LRRC58: variants seen among roughly 807,000 people sequenced by gnomAD.
LRRC58 encodes the protein leucine rich repeat containing 58.
Under a neutral mutation model 30.6 loss-of-function variants are expected in LRRC58, and 18 were observed. The ratio of observed to expected loss-of-function variants is 0.59; its 90% confidence interval spans 0.41 to 0.87. The LOEUF (loss-of-function observed/expected upper bound fraction) is 0.87. Among genes scored for constraint, LRRC58 ranks in the 40% least tolerant of loss-of-function variants. LRRC58 has a pLI of 0.00. For missense variants in LRRC58, 420 were observed against 468.4 expected (o/e 0.90, Z 0.95); for synonymous variants, 221 against 206.0 (o/e 1.07, Z -0.62).
intron 1 of LRRC58, among the ~76,000 whole-genome samples, chr3:120,346,341 G>A (rs1935968708): frequency 6.6e-6 from 1 of 152,116 alleles, no homozygotes; most frequent in South Asian, 2.1e-4. Context: ...TCAGGTTCTA[G>A]TACTCTGCCA....
chr3:120,344,592 C>G (rs2107627235), intron 1 of LRRC58, among the ~76,000 whole-genome samples: 1 of 152,272 alleles, frequency 6.6e-6, no homozygotes, highest in South Asian at 2.1e-4. Context: ...TCTTTCAAAA[C>G]CACATCAAAC....
chr3:120,338,611 A>G (rs1317299473), intron 1 of LRRC58, among the ~76,000 whole-genome samples: 1 of 152,260 alleles, frequency 6.6e-6, no homozygotes, highest in African/African-American at 2.4e-5. Context: ...ACAGAGATCT[A>G]AATGACTGAG....
chr3:120,335,243 G>A (rs1202545174), intron 2 of LRRC58, 104 bp from the exon 3 acceptor site: 3 of 974,008 alleles, frequency 3.1e-6, no homozygotes, highest in Non-Finnish European at 4.5e-6. Context: ...TTAAGAATGA[G>A]CAATTAAGAT....
At position 120,327,234 on chromosome 3, in the gene LRRC58, CTTCTAAAGAT is replaced by C. The variant is rs1935689058; in HGVS notation, c.*3956_*3965del. On this transcript the variant is annotated 3_prime_UTR_variant, in exon 4 of 4. Coordinates refer to ENST00000295628, the MANE Select transcript of LRRC58 (RefSeq NM_001099678.2). The stretch of plus-strand genomic sequence containing the variant: ...GGTGACTTCTCTTCTAGCCCTGTGG[CTTCTAAAGAT>C]TTCTTTTTTTTTTTTTTTTTTTTTT... The C allele has an allele frequency of 6.9e-6, 1 of 145,682 alleles. No individual in the cohort carries two copies. The highest frequency in any genetic ancestry group is 2.6e-5 in the African/African-American group (1 of 38,744). 9.0% of individuals were successfully genotyped at this position (145,682 alleles called of 1,614,324 possible). A position where few individuals can be genotyped will look rare whatever the true frequency, so the allele number is the denominator to read the frequency against.
chr3:120,337,927 C>T (rs1295784498), intron 1 of LRRC58, among the ~76,000 whole-genome samples: 1 of 152,084 alleles, frequency 6.6e-6, no homozygotes, highest in Non-Finnish European at 1.5e-5. Context: ...CAACCTCTGC[C>T]TCACGAGTTA....
Position 120,349,058 on chromosome 3 carries a change from C to A in LRRC58, c.186G>T (p.Ala62=), listed in dbSNP as rs1019553535. The change falls in exon 1 of 4, where the codon GCG becomes GCT. Residue 62 remains alanine (A), a synonymous_variant. Coordinates refer to ENST00000295628, the MANE Select transcript of LRRC58 (RefSeq NM_001099678.2). ...PHNRLVSLPR[A]LGSGFPHLQL... ...GGAGGTGCGGGAAGCCGCTGCCCAG[C>A]GCCCGTGGCAGCGACACCAGACGGT... is the stretch of plus-strand genomic sequence containing the variant. The A allele has an allele frequency of 2.0e-6, 3 of 1,517,998 alleles. No homozygotes were observed. Among genetic ancestry groups the A allele is most frequent in the African/African-American group, 2.9e-5 (2 of 69,730 alleles). The allele number at this position is 1,517,998 out of a possible 1,614,324, so 94.0% of individuals were successfully genotyped here. A position where few individuals can be genotyped will look rare whatever the true frequency, so the allele number is the denominator to read the frequency against.
rs1935800722 is a variant in LRRC58 at position 120,334,219 on chromosome 3, G to C, written c.907+643C>G. On this transcript the variant is annotated intron_variant, in intron 3 of 3. Transcript: ENST00000295628. ...AAACATCATTCAAATAAATATAAAA[G>C]GTGGGCCGGGCGTGGTGGCTCACGC... Among the ~76,000 whole-genome samples, 3 of 152,182 alleles carry C rather than the reference G, an allele frequency of 2.0e-5. No individual in the cohort carries two copies. In the South Asian group the frequency reaches 6.2e-4, roughly 32 times the overall value.
intron 1 of LRRC58, among the ~76,000 whole-genome samples, chr3:120,341,276 T>A (rs1450514736): frequency 6.6e-6 from 1 of 152,034 alleles, no homozygotes; most frequent in Non-Finnish European, 1.5e-5. Context: ...GGAGTCCAAA[T>A]AACAGAAACT....
rs796116731 is a variant in LRRC58 at position 120,347,379 on chromosome 3, C to CTTTTTTTTT, written c.500+1356_500+1364dup. ...AGTTCTTTTTTCCCAGGCCAATATT[C>CTTTTTTTTT]TTTTTTTTTTTTTTTTTTTTTTTGA... On this transcript the variant is annotated intron_variant, in intron 1 of 3. Transcript: ENST00000295628. Among the ~76,000 whole-genome samples the CTTTTTTTTT allele has an allele frequency of 5.8e-4, 32 of 54,850 alleles. 5 individuals carry two copies. The highest frequency in any genetic ancestry group is 2.1e-3 in the East Asian group (3 of 1,428). 36.0% of individuals were successfully genotyped at this position (54,850 alleles called of 152,430 possible). A position where few individuals can be genotyped will look rare whatever the true frequency, so the allele number is the denominator to read the frequency against.
Position 120,331,304 on chromosome 3 carries a change from G to A in LRRC58, c.1012C>T (p.Pro338Ser), listed in dbSNP as rs1935752393. The change falls in exon 4 of 4, where the codon CCT becomes TCT. Residue 338 changes from proline (P) to serine (S), a missense_variant. Pro to Ser is a moderately conservative substitution (Grantham distance 74). This residue lies in a region of LRRC58 where 154 missense variants were observed against 216.8 expected (regional missense o/e 0.71). Transcript: ENST00000295628. ...HYLCSPECSS[P>S]CSSASHSSTS... is the part of the protein sequence containing the mutation. ...GAGCTGTGAGAGGCAGAACTGCAAGGGGAAGAACATTCTGGTGAACACAAG... is the reference window on the plus strand; with the variant it reads ...GAGCTGTGAGAGGCAGAACTGCAAGAGGAAGAACATTCTGGTGAACACAAG... The A allele has an allele frequency of 6.2e-7, 1 of 1,613,942 alleles. No individual in the cohort carries two copies. Among genetic ancestry groups the A allele is most frequent in the Non-Finnish European group, 8.5e-7 (1 of 1,179,862 alleles).
intron 1 of LRRC58, among the ~76,000 whole-genome samples, chr3:120,336,655 T>C (rs189401143): frequency 4.6e-4 from 70 of 152,100 alleles, no homozygotes; most frequent in Non-Finnish European, 8.2e-4. Context: ...AATTGTCCAC[T>C]ACTATAAAAT....
chr3:120,349,143 G>A lies in LRRC58; in HGVS notation c.101C>T (p.Ala34Val). Residue 34 changes from alanine to valine, a missense_variant, in exon 1 of 4, where the codon GCG becomes GTG. This residue lies in a region of LRRC58 where 266 missense variants were observed against 251.7 expected (regional missense o/e 1.06). Coordinates refer to ENST00000295628, the MANE Select transcript of LRRC58 (RefSeq NM_001099678.2). Reference sequence around the variant, plus strand: ...CGCCCCGCGCCGCTCCTCCCCCCGCGCCTCCAGCTCAGACTCCAGCGTCTC... The same window carrying A: ...CGCCCCGCGCCGCTCCTCCCCCCGCACCTCCAGCTCAGACTCCAGCGTCTC... ...STETLESELE[A>V]RGEERRGARE... 6.6e-7 allele frequency: 1 copy of A among 1,503,834 alleles called. No homozygotes were observed. The highest frequency in any genetic ancestry group is 8.8e-7 in the Non-Finnish European group (1 of 1,134,816). 93.2% of individuals were successfully genotyped at this position (1,503,834 alleles called of 1,614,324 possible).
At chr3:120,332,386 T>C (rs1935768692) in intron 3 of LRRC58, among the ~76,000 whole-genome samples, 1 of 152,184 alleles carries the variant, frequency 6.6e-6, no homozygotes, top group Admixed American at 6.5e-5. Flanking sequence ...CAACTAACCA[T>C]GTAGTTTTTT....
Position 120,327,428 on chromosome 3 carries a change from G to A in LRRC58, c.*3772C>T, listed in dbSNP as rs549549879. On this transcript the variant is annotated 3_prime_UTR_variant, in exon 4 of 4. Coordinates refer to ENST00000295628, the MANE Select transcript of LRRC58 (RefSeq NM_001099678.2). ...CATCACGCCCGGCTAATTTTTTTTT[G>A]TATTTTTAGTAGAGACGGGGTTTCA... The A allele has an allele frequency of 6.7e-6, 1 of 148,534 alleles. No individual in the cohort carries two copies. Among genetic ancestry groups the A allele is most frequent in the East Asian group, 2.0e-4 (1 of 5,054 alleles). The allele number at this position is 148,534 out of a possible 1,614,324, so 9.2% of individuals were successfully genotyped here.
At chr3:120,334,619 A>G (rs1935809285) in intron 3 of LRRC58, among the ~76,000 whole-genome samples, 1 of 152,210 alleles carries the variant, frequency 6.6e-6, no homozygotes, top group Admixed American at 6.5e-5. Context: ...CTCTCATTTT[A>G]CCATCTTGAT....
At chr3:120,332,727 T>TA (rs1318265647) in intron 3 of LRRC58, among the ~76,000 whole-genome samples, 5 of 152,048 alleles carry the variant, frequency 3.3e-5, no homozygotes, top group Non-Finnish European at 7.4e-5. Flanking sequence ...GTTCATTTCA[T>TA]AGATTATCTC....
chr3:120,342,949 C>T (rs537562030), intron 1 of LRRC58, among the ~76,000 whole-genome samples: 3 of 152,314 alleles, frequency 2.0e-5, no homozygotes, highest in Admixed American at 6.5e-5. Context: ...ACTCAGTTTA[C>T]GTCTTGTTAT....
rs1465472379 is a variant in LRRC58 at position 120,327,243 on chromosome 3, A to ATTT, written c.*3954_*3956dup. On this transcript the variant is annotated 3_prime_UTR_variant, in exon 4 of 4. Coordinates refer to ENST00000295628, the MANE Select transcript of LRRC58 (RefSeq NM_001099678.2). ...TCTTCTAGCCCTGTGGCTTCTAAAGATTTCTTTTTTTTTTTTTTTTTTTTT... is the reference window on the plus strand; with the variant it reads ...TCTTCTAGCCCTGTGGCTTCTAAAGATTTTTTCTTTTTTTTTTTTTTTTTTTTT... The ATTT allele has an allele frequency of 3.2e-4, 35 of 109,028 alleles. No homozygotes were observed. Among genetic ancestry groups the ATTT allele is most frequent in the African/African-American group, 8.8e-4 (22 of 25,102 alleles). 6.8% of individuals were successfully genotyped at this position (109,028 alleles called of 1,614,324 possible). A position where few individuals can be genotyped will look rare whatever the true frequency, so the allele number is the denominator to read the frequency against.
intron 3 of LRRC58, among the ~76,000 whole-genome samples, chr3:120,334,331 C>T (rs1003225756): frequency 2.9e-5 from 4 of 137,092 alleles, no homozygotes; most frequent in African/African-American, 7.3e-5. Context: ...GGTGAAACCC[C>T]GTCTCTACTA....
Sources: allele counts gnomAD v4.1 joint callset (sites outside exome capture counted in the v4.1 genomes callset), GRCh38; gene constraint gnomAD v4.1.1; regional missense constraint gnomAD v4.1.1; transcripts MANE v1.5; gene names NCBI Gene and HGNC (gene_info 2026-07-23, HGNC 2026-07-21).